SLC35F4: variants seen among roughly 807,000 people sequenced by gnomAD.
SLC35F4 encodes chromosome 14 open reading frame 36.
A neutral mutation model predicts 44.2 loss-of-function variants in SLC35F4; 24 were observed. The ratio of observed to expected loss-of-function variants is 0.54; its 90% confidence interval spans 0.39 to 0.76. SLC35F4 has a LOEUF of 0.76. Among genes scored for constraint, SLC35F4 ranks in the 30% least tolerant of loss-of-function variants. The pLI, the probability that SLC35F4 is intolerant of heterozygous loss-of-function variation, is 0.00. For synonymous variants in SLC35F4, 238 were observed against 223.6 expected (o/e 1.06, Z -0.57); for missense variants, 562 against 586.1 (o/e 0.96, Z 0.42).
chr14:57,682,001 G>A (rs938711694), intron 1 of SLC35F4, among the ~76,000 whole-genome samples: 1 of 152,210 alleles, frequency 6.6e-6, no homozygotes, highest in African/African-American at 2.4e-5. Flanking sequence ...AACAACAGAT[G>A]CTGGTGAGGA....
chr14:57,644,980 A>G (rs1192619083), intron 1 of SLC35F4, among the ~76,000 whole-genome samples: 1 of 152,110 alleles, frequency 6.6e-6, no homozygotes, highest in Non-Finnish European at 1.5e-5. Context: ...ATTGGTCTAT[A>G]TCTCTGTTGT....
chr14:57,691,729 G>A (rs547342265), intron 1 of SLC35F4, among the ~76,000 whole-genome samples: 10 of 152,232 alleles, frequency 6.6e-5, no homozygotes, highest in African/African-American at 2.4e-4. Context: ...TCTATTAGGG[G>A]ATATGAAAAA....
chr14:57,795,168 T>C (rs2078024710), intron 1 of SLC35F4, among the ~76,000 whole-genome samples: 1 of 152,172 alleles, frequency 6.6e-6, no homozygotes, highest in African/African-American at 2.4e-5. Context: ...AATATTTTCA[T>C]TAAATGTAAT....
At chr14:57,767,089 A>C (rs1956682) in intron 1 of SLC35F4, among the ~76,000 whole-genome samples, 70,131 of 151,950 alleles carry the variant, frequency 0.46, 16,392 homozygotes, top group East Asian at 0.58. Context: ...TATATATAAA[A>C]CAAACAGATG....
intron 1 of SLC35F4, among the ~76,000 whole-genome samples, chr14:57,937,657 G>C (rs1000273962): frequency 1.4e-5 from 2 of 138,342 alleles, no homozygotes; most frequent in Non-Finnish European, 3.1e-5. Flanking sequence ...AAAGAAAAAA[G>C]AAAAGAAAAA....
Position 57,932,811 on chromosome 14 carries a change from T to C in SLC35F4, n.282+49102A>G, listed in dbSNP as rs1889724262. ...TTGCAGTGAGCCGAGGTCATACCAC[T>C]GCACTCAAAAAAAAAATTTAGTCAA... On this transcript the variant is annotated intron_variant and non_coding_transcript_variant, in intron 1 of 1. Coordinates refer to the SLC35F4 transcript ENST00000556568. 2.0e-5 allele frequency among the ~76,000 whole-genome samples: 3 copies of C among 151,548 alleles called. No homozygotes were observed. The South Asian group carries it at 6.2e-4, about 32-fold the overall frequency.
rs546003028 is a variant in SLC35F4 at position 57,613,703 on chromosome 14, G to A, written c.104-19579C>T. On this transcript the variant is annotated intron_variant, in intron 1 of 7. Coordinates refer to ENST00000556826, the MANE Select transcript of SLC35F4 (RefSeq NM_001306087.2). ...TGACTTCCTGCATAGTCTCATTAGA[G>A]CATAATTATTGCACCACAGCACAGC... 2.0e-4 allele frequency among the ~76,000 whole-genome samples: 30 copies of A among 152,306 alleles called. 1 individual carries two copies. The South Asian group carries it at 6.2e-3, about 32-fold the overall frequency.
intron 1 of SLC35F4, among the ~76,000 whole-genome samples, chr14:57,702,860 A>C (rs991884372): frequency 2.0e-5 from 3 of 152,320 alleles, no homozygotes; most frequent in African/African-American, 7.2e-5. Flanking sequence ...TGTAGGCTAT[A>C]AAATAAAGGC....
At chr14:57,644,866 A>G (rs1412058883) in intron 1 of SLC35F4, among the ~76,000 whole-genome samples, 4 of 152,212 alleles carry the variant, frequency 2.6e-5, no homozygotes, top group African/African-American at 4.8e-5. Context: ...AGCACCATTT[A>G]TTAAATAGGG....
chr14:57,845,746 A>G (rs1424233649), intron 1 of SLC35F4, among the ~76,000 whole-genome samples: 1 of 152,198 alleles, frequency 6.6e-6, no homozygotes, highest in South Asian at 2.1e-4. Context: ...AATATTTTTT[A>G]AAAAGATAGA....
chr14:57,770,798 GA>G (rs1274655918), intron 1 of SLC35F4, among the ~76,000 whole-genome samples: 2 of 152,124 alleles, frequency 1.3e-5, no homozygotes, highest in Non-Finnish European at 2.9e-5. Context: ...GAACTTTCAG[GA>G]CAATTTATTA....
At chr14:57,752,189 G>A (rs577604972) in intron 1 of SLC35F4, among the ~76,000 whole-genome samples, 1 of 152,180 alleles carries the variant, frequency 6.6e-6, no homozygotes, top group South Asian at 2.1e-4. Flanking sequence ...GGGTTTCTAA[G>A]AGAATTTCTT....
At chr14:57,743,808 TC>T (rs1334452906) in intron 1 of SLC35F4, among the ~76,000 whole-genome samples, 3 of 152,124 alleles carry the variant, frequency 2.0e-5, no homozygotes, top group African/African-American at 7.2e-5. Flanking sequence ...CTGATGAACA[TC>T]GATGCAAAAA....
At chr14:57,671,430 G>T (rs558590557) in intron 1 of SLC35F4, among the ~76,000 whole-genome samples, 4 of 152,016 alleles carry the variant, frequency 2.6e-5, no homozygotes, top group Admixed American at 2.6e-4. Flanking sequence ...GAGTTGTGAG[G>T]CCCCTGTTTC....
At chr14:57,672,711 T>C (rs573429997) in intron 1 of SLC35F4, among the ~76,000 whole-genome samples, 41 of 152,198 alleles carry the variant, frequency 2.7e-4, no homozygotes, top group African/African-American at 8.4e-4. Flanking sequence ...AGAAAAAAAT[T>C]CATGAATAAT....
intron 1 of SLC35F4, among the ~76,000 whole-genome samples, chr14:57,701,795 A>G (rs1368866444): frequency 6.6e-6 from 1 of 152,176 alleles, no homozygotes; most frequent in Non-Finnish European, 1.5e-5. Flanking sequence ...ATAACAACCT[A>G]CTATAATAAA....
At chr14:57,707,499 A>G (rs571862542) in intron 1 of SLC35F4, among the ~76,000 whole-genome samples, 1 of 152,164 alleles carries the variant, frequency 6.6e-6, no homozygotes, top group Admixed American at 6.5e-5. Context: ...ACGTTCTGCC[A>G]TGATTGTAAA....
At chr14:57,679,251 G>T (rs570900576) in intron 1 of SLC35F4, among the ~76,000 whole-genome samples, 2 of 152,054 alleles carry the variant, frequency 1.3e-5, no homozygotes, top group African/African-American at 4.8e-5. Context: ...CACGGAAACC[G>T]AACAACCTGC....
At chr14:57,696,419 A>T (rs1251973022) in intron 1 of SLC35F4, among the ~76,000 whole-genome samples, 1 of 152,234 alleles carries the variant, frequency 6.6e-6, no homozygotes, top group East Asian at 1.9e-4. Context: ...GGGAAACAAC[A>T]GATGCTGGCG....
Sources: gnomAD v4.1 joint callset for allele counts (sites outside exome capture counted in the v4.1 genomes callset) on GRCh38, gnomAD v4.1.1 for gene constraint, MANE v1.5 for transcripts, NCBI Gene and HGNC (gene_info 2026-07-23, HGNC 2026-07-21) for gene names.